The following NOTCH2 variants were observed in gnomAD, a reference collection of about 807,000 sequenced individuals.
NOTCH2 encodes the protein neurogenic locus notch homolog protein 2.
NOTCH2 carries 29 observed loss-of-function variants against 235.8 expected under a neutral mutation model. That is an observed-to-expected ratio of 0.12 (90% confidence interval 0.09 to 0.17). The LOEUF (loss-of-function observed/expected upper bound fraction) is 0.17, where lower values mean the gene tolerates loss of function less well. Among genes scored for constraint, NOTCH2 ranks in the 10% least tolerant of loss-of-function variants. The pLI is 1.00. For missense variants in NOTCH2, 2,285 were observed against 3,150.2 expected (o/e 0.73, Z 6.57); for synonymous variants, 1,086 against 1,141.5 (o/e 0.95, Z 0.98).
intron 3 of NOTCH2, among the ~76,000 whole-genome samples, chr1:120,000,350 A>G (rs1652700347): frequency 6.6e-6 from 1 of 152,002 alleles, no homozygotes; most frequent in African/African-American, 2.4e-5. Context: ...TGTGGCTAAC[A>G]AGGTGAAAGC....
intron 12 of NOTCH2, among the ~76,000 whole-genome samples, chr1:119,958,657 C>A (rs112792887): frequency 2.0e-5 from 3 of 152,030 alleles, no homozygotes; most frequent in African/African-American, 7.2e-5. Flanking sequence ...GCCTCTAGCA[C>A]TTTTTGATCA....
intron 1 of NOTCH2, among the ~76,000 whole-genome samples, chr1:120,041,071 A>AAAAAAAAAT (rs1557859547): frequency 2.6e-5 from 2 of 77,372 alleles, no homozygotes; most frequent in Non-Finnish European, 2.0e-5. Context: ...AAAAAAAAAA[A>AAAAAAAAAT]ATATATATAT....
chr1:120,038,532 T>C (rs587640619), intron 1 of NOTCH2, among the ~76,000 whole-genome samples: 54 of 124,442 alleles, frequency 4.3e-4, no homozygotes, highest in African/African-American at 1.9e-3. Flanking sequence ...GCAAATTCCA[T>C]AGAGGCAGTA....
intron 11 of NOTCH2, among the ~76,000 whole-genome samples, chr1:119,963,348 A>AAC (rs1651016313): frequency 6.6e-6 from 1 of 152,118 alleles, no homozygotes; most frequent in Non-Finnish European, 1.5e-5. Context: ...AACACACACA[A>AAC]ACACACACAC....
chr1:119,982,769 A>G (rs1651862054), intron 5 of NOTCH2, among the ~76,000 whole-genome samples: 1 of 152,224 alleles, frequency 6.6e-6, no homozygotes, highest in Non-Finnish European at 1.5e-5. Flanking sequence ...TCTTTTTTCC[A>G]TCTGAGCTTA....
At chr1:119,945,014 G>A (rs973216223) in intron 17 of NOTCH2, among the ~76,000 whole-genome samples, 2 of 152,006 alleles carry the variant, frequency 1.3e-5, no homozygotes, top group African/African-American at 4.8e-5. Context: ...GAAAAAAATT[G>A]ACCTTTTAAT....
chr1:119,982,463 G>A (rs1651846827), intron 5 of NOTCH2, among the ~76,000 whole-genome samples: 1 of 152,132 alleles, frequency 6.6e-6, no homozygotes, highest in African/African-American at 2.4e-5. Context: ...CCTTTAAAAA[G>A]AAAATTCAAA....
chr1:120,063,667 C>T (rs1253233937), intron 1 of NOTCH2, among the ~76,000 whole-genome samples: 2 of 152,128 alleles, frequency 1.3e-5, no homozygotes, highest in Non-Finnish European at 2.9e-5. Flanking sequence ...CCAAAGCAAC[C>T]TGTCTCTAAT....
chr1:119,999,981 AAGGAAGGAAGGAAGGAAGG>A (rs1652677596), intron 3 of NOTCH2, among the ~76,000 whole-genome samples: 1 of 91,384 alleles, frequency 1.1e-5, no homozygotes, highest in South Asian at 4.0e-4. Context: ...GAAAGAAAGG[AAGGAAGGAAGGAAGGAAGG>A]AAGGAAGGAA....
At chr1:120,037,718 T>C (rs1364079500) in intron 1 of NOTCH2, among the ~76,000 whole-genome samples, 2 of 151,758 alleles carry the variant, frequency 1.3e-5, no homozygotes, top group Non-Finnish European at 2.9e-5. Flanking sequence ...ATCGATTTTG[T>C]TTTCCTAATA....
At position 119,940,729 on chromosome 1, in the gene NOTCH2, A is replaced by G; in HGVS notation, c.3009T>C (p.Val1003=). ...AGCAAGAGAAGGAGTTAATCCCATC[A>G]ACACATGTGCCACCATTGAAACAGG... ...ESSCFNGGTC[V]DGINSFSCLC... is the part of the protein sequence containing the mutation. Residue 1003 remains valine, a synonymous_variant, in exon 19 of 34, where the codon GTT becomes GTC. Coordinates refer to ENST00000256646, the MANE Select transcript of NOTCH2 (RefSeq NM_024408.4). The G allele has an allele frequency of 6.2e-7, 1 of 1,614,218 alleles. No homozygotes were observed. Among genetic ancestry groups the G allele is most frequent in the Non-Finnish European group, 8.5e-7 (1 of 1,180,032 alleles).
In NOTCH2 at chr1:119,986,007, CAT is replaced by C. The variant is rs587664817; in HGVS notation, c.874+951_874+952del. 6.5e-3 allele frequency among the ~76,000 whole-genome samples: 993 copies of C among 152,250 alleles called. 4 individuals are homozygous for C. The highest frequency in any genetic ancestry group is 0.024 in the Middle Eastern group (7 of 294). Reference sequence around the variant, plus strand: ...TAAATGCTTTTCATCTTTTTCTATTCATAGTCTACAGCTCTAAAGAGTATTGT... The same window carrying C: ...TAAATGCTTTTCATCTTTTTCTATTCAGTCTACAGCTCTAAAGAGTATTGT... On this transcript the variant is annotated intron_variant, in intron 5 of 33. Transcript: ENST00000256646.
Position 119,948,315 on chromosome 1 carries a change from A to G in NOTCH2, c.2752+99T>C, listed in dbSNP as rs1650334781. 19 of 1,275,016 alleles carry G rather than the reference A, an allele frequency of 1.5e-5. No individual in the cohort carries two copies. In the South Asian group the frequency reaches 2.2e-4, roughly 14 times the overall value. The allele number at this position is 1,275,016 out of a possible 1,614,324, so 79.0% of individuals were successfully genotyped here. A position where few individuals can be genotyped will look rare whatever the true frequency, so the allele number is the denominator to read the frequency against. On this transcript the variant is annotated intron_variant, in intron 17 of 33. Coordinates refer to ENST00000256646, the MANE Select transcript of NOTCH2 (RefSeq NM_024408.4). ...GCTGGATAAATGACCGGTATGCCCA[A>G]TGTCAGGCGTGAAAGGCGGCAGCCT...
Position 119,920,279 on chromosome 1 carries a change from G to A in NOTCH2, c.5429C>T (p.Pro1810Leu), listed in dbSNP as rs779369076. ...RRTPSLALTP[P>L]QAEQEVDVLD... ...CACATCCACCTCCTGCTCTGCCTGAGGAGGGGTGAGAGCCAGCGATGGTGT... is the reference window on the plus strand; with the variant it reads ...CACATCCACCTCCTGCTCTGCCTGAAGAGGGGTGAGAGCCAGCGATGGTGT... The change falls in exon 30 of 34, where the codon CCT becomes CTT. Residue 1810 changes from proline to leucine, a missense_variant. Physicochemically the swap from Pro to Leu is moderately conservative, Grantham distance 98. Transcript: ENST00000256646. 1 of 1,614,194 alleles carries A rather than the reference G, an allele frequency of 6.2e-7. No individual in the cohort carries two copies. Among genetic ancestry groups the A allele is most frequent in the Admixed American group, 1.7e-5 (1 of 60,024 alleles).
intron 32 of NOTCH2, 131 bp downstream of exon 32, chr1:119,918,263 AAATAAATGCATG>A: frequency 1.0e-6 from 1 of 961,722 alleles, no homozygotes; most frequent in Non-Finnish European, 1.6e-6. Flanking sequence ...TCAGCATGTT[AAATAAATGCATG>A]AATGAAAGAA....
rs748931755 is a variant in NOTCH2, at chr1:119,915,402, G to T, written c.7320C>A (p.Thr2440=). ...CAGCACCCCCAGGGGTAGGGCTGGT[G>T]GTCACATCTGACCAGTCAGAAGCAG... ...PHSASDWSDV[T]TSPTPGGAGG... The change falls in exon 34 of 34, where the codon ACC becomes ACA. Residue 2440 remains threonine (T), a synonymous_variant. Transcript: ENST00000256646. 1.2e-6 allele frequency: 2 copies of T among 1,614,204 alleles called. No individual in the cohort carries two copies. Among genetic ancestry groups the T allele is most frequent in the Non-Finnish European group, 1.7e-6 (2 of 1,180,024 alleles).
chr1:120,015,009 T>TA (rs1181418610), intron 2 of NOTCH2, among the ~76,000 whole-genome samples: 6 of 109,114 alleles, frequency 5.5e-5, no homozygotes, highest in Admixed American at 9.6e-5. Flanking sequence ...TTTTTTTTTT[T>TA]AAAAACGAGG....
intron 1 of NOTCH2, among the ~76,000 whole-genome samples, chr1:120,038,122 CTCTT>C (rs2101356617): frequency 6.6e-6 from 1 of 151,708 alleles, no homozygotes; most frequent in African/African-American, 2.4e-5. Context: ...TTTTATTTTT[CTCTT>C]ATTAAAGACT....
chr1:119,950,521 A>C (rs781892713), intron 15 of NOTCH2: 31 of 693,184 alleles, frequency 4.5e-5, no homozygotes, highest in Non-Finnish European at 7.4e-5. Flanking sequence ...ATGTAGGCAA[A>C]TGACTGTCCA....
Sources: allele counts gnomAD v4.1 joint callset (sites outside exome capture counted in the v4.1 genomes callset), GRCh38; gene constraint gnomAD v4.1.1; transcripts MANE v1.5; gene names NCBI Gene and HGNC (gene_info 2026-07-23, HGNC 2026-07-21).